The following FAM227A variants were observed in gnomAD, a reference collection of about 807,000 sequenced individuals.
The protein encoded by FAM227A is protein FAM227A.
Under a neutral mutation model 74.7 loss-of-function variants are expected in FAM227A, and 80 were observed. The observed-to-expected ratio is 1.07, with a 90% CI of 0.89 to 1.29. The LOEUF (loss-of-function observed/expected upper bound fraction) is 1.29. Ranked by LOEUF, FAM227A falls within the 50% of genes most tolerant of loss-of-function variation. FAM227A has a pLI of 0.00. For synonymous variants in FAM227A, 237 were observed against 241.8 expected, an observed-to-expected ratio of 0.98 and a Z score of 0.19; for missense variants, 654 against 683.4, an observed-to-expected ratio of 0.96 and a Z score of 0.48.
At chr22:38,593,535 A>G (rs2090983557) in intron 15 of FAM227A, among the ~76,000 whole-genome samples, 1 of 152,078 alleles carries the variant, frequency 6.6e-6, no homozygotes, top group Non-Finnish European at 1.5e-5. Flanking sequence ...CAAAAAAAGA[A>G]TAAATAAAGC....
intron 8 of FAM227A, among the ~76,000 whole-genome samples, chr22:38,627,790 G>A (rs566339123): frequency 7.2e-5 from 11 of 152,058 alleles, no homozygotes; most frequent in Admixed American, 3.3e-4. Flanking sequence ...CTTTAGTAGA[G>A]ACAGGGTTTT....
At chr22:38,645,526 C>A in intron 3 of FAM227A, 37 bp downstream of exon 3, 1 of 1,469,504 alleles carries the variant, frequency 6.8e-7, no homozygotes, top group South Asian at 1.2e-5. Context: ...CCTTCCCTGT[C>A]AGAAGCTTTG....
intron 16 of FAM227A, 70 bp from the exon 17 acceptor site, chr22:38,586,269 C>A: frequency 6.6e-7 from 1 of 1,505,192 alleles, no homozygotes; most frequent in Non-Finnish European, 9.0e-7. Context: ...AGACTTTGCA[C>A]GTGAGCAGTG....
rs1184947458 is a variant in FAM227A, at chr22:38,583,590, AC to A, written c.*2534del. 4 of 152,242 alleles carry A rather than the reference AC, an allele frequency of 2.6e-5. No homozygotes were observed. The highest frequency in any genetic ancestry group is 9.7e-5 in the African/African-American group (4 of 41,388). The allele number at this position is 152,242 out of a possible 1,614,324, so 9.4% of individuals were successfully genotyped here. On this transcript the variant is annotated 3_prime_UTR_variant, in exon 17 of 17. Coordinates refer to ENST00000535113, the MANE Select transcript of FAM227A (RefSeq NM_001013647.2). ...ATTATCTCATCTAATCCTCACAACA[AC>A]CCTCCTAGGCAGGCATTCCCTTTCT...
At position 38,626,296 on chromosome 22, in the gene FAM227A, G is replaced by A. The variant is rs1444633812; in HGVS notation, c.734C>T (p.Pro245Leu). 2 of 1,551,092 alleles carry A rather than the reference G, an allele frequency of 1.3e-6. No homozygotes were observed. Among genetic ancestry groups the A allele is most frequent in the African/African-American group, 1.4e-5 (1 of 73,032 alleles). The change falls in exon 9 of 17, where the codon CCA becomes CTA. Residue 245 changes from proline to leucine, a missense_variant. Pro to Leu is a moderately conservative substitution (Grantham distance 98). Transcript: ENST00000535113. ...GTACACGGCTTTGCTGAGAAGTGATGGCAGCCTCTGCGGAGCAAGCCGAGC... is the reference window on the plus strand; with the variant it reads ...GTACACGGCTTTGCTGAGAAGTGATAGCAGCCTCTGCGGAGCAAGCCGAGC... ...HSEEALLKRLPSLLSKAVYTS... is the reference protein window; with the variant it reads ...HSEEALLKRLLSLLSKAVYTS...
chr22:38,582,808 T>C lies in FAM227A; in HGVS notation c.*3317A>G. On this transcript the variant is annotated 3_prime_UTR_variant, in exon 17 of 17. Transcript: ENST00000535113. ...TCTACTATGGTAACTGCTGCCATAA[T>C]GGGATGGCACAGAATGCTGTTGGAG... 2 of 1,546,802 alleles carry C rather than the reference T, an allele frequency of 1.3e-6. No homozygotes were observed. Among genetic ancestry groups the C allele is most frequent in the South Asian group, 1.2e-5 (1 of 83,898 alleles).
chr22:38,627,413 C>G (rs2091831669), intron 8 of FAM227A, among the ~76,000 whole-genome samples: 1 of 151,324 alleles, frequency 6.6e-6, no homozygotes, highest in Non-Finnish European at 1.5e-5. Flanking sequence ...ACTAAAAACA[C>G]AAAAATTAGC....
At chr22:38,621,566 T>C (rs948475388) in intron 10 of FAM227A, among the ~76,000 whole-genome samples, 93 of 149,038 alleles carry the variant, frequency 6.2e-4, no homozygotes, top group African/African-American at 2.1e-3. Flanking sequence ...GATTGCGCCA[T>C]TGCACTCCAG....
Position 38,580,069 on chromosome 22 carries a change from T to G in FAM227A, c.*6056A>C, listed in dbSNP as rs2090693124. The G allele has an allele frequency of 6.6e-6, 1 of 150,758 alleles. No homozygotes were observed. The highest frequency in any genetic ancestry group is 6.6e-5 in the Admixed American group (1 of 15,148). The allele number at this position is 150,758 out of a possible 1,614,324, so 9.3% of individuals were successfully genotyped here. Reference sequence around the variant, plus strand: ...CCAAGTAGCTAGGACTACAGGCGTATGCCACCTTGCTCTGCTAATTTTTAC... The same window carrying G: ...CCAAGTAGCTAGGACTACAGGCGTAGGCCACCTTGCTCTGCTAATTTTTAC... On this transcript the variant is annotated 3_prime_UTR_variant, in exon 17 of 17. Coordinates refer to ENST00000535113, the MANE Select transcript of FAM227A (RefSeq NM_001013647.2).
chr22:38,582,436 C>T lies in FAM227A; in HGVS notation c.*3689G>A. The T allele has an allele frequency of 6.5e-7, 1 of 1,547,772 alleles. No individual in the cohort carries two copies. Among genetic ancestry groups the T allele is most frequent in the Non-Finnish European group, 8.7e-7 (1 of 1,144,824 alleles). On this transcript the variant is annotated 3_prime_UTR_variant, in exon 17 of 17. Coordinates refer to ENST00000535113, the MANE Select transcript of FAM227A (RefSeq NM_001013647.2). ...ACAGAATTAGAATATCATACAATTA[C>T]TCATTTGCTTTATCCCACATTACAG...
chr22:38,621,822 A>G (rs370450686), intron 10 of FAM227A, among the ~76,000 whole-genome samples: 23 of 152,200 alleles, frequency 1.5e-4, no homozygotes, highest in African/African-American at 5.5e-4. Context: ...AGGTCCTTGG[A>G]CCAACACACC....
At chr22:38,644,164 A>G (rs2092178173) in intron 3 of FAM227A, among the ~76,000 whole-genome samples, 1 of 151,746 alleles carries the variant, frequency 6.6e-6, no homozygotes, top group African/African-American at 2.4e-5. Flanking sequence ...AAAAAAAAAA[A>G]AAAAGATGTG....
intron 11 of FAM227A, among the ~76,000 whole-genome samples, chr22:38,619,857 G>C (rs953207110): frequency 3.3e-5 from 5 of 152,292 alleles, no homozygotes; most frequent in Admixed American, 6.5e-5. Flanking sequence ...TAGGGCAGAG[G>C]AGAAAGTACG....
rs1237784117 is a variant in FAM227A at position 38,584,130 on chromosome 22, C to T, written c.*1995G>A. On this transcript the variant is annotated 3_prime_UTR_variant, in exon 17 of 17. Coordinates refer to ENST00000535113, the MANE Select transcript of FAM227A (RefSeq NM_001013647.2). ...GCCTTGGTTTTTCTCAGATTCCACG[C>T]AGCTTTCTATCGGAGCATTAATGCA... 6.6e-6 allele frequency: 1 copy of T among 152,262 alleles called. No individual in the cohort carries two copies. The highest frequency in any genetic ancestry group is 2.4e-5 in the African/African-American group (1 of 41,452). 9.4% of individuals were successfully genotyped at this position (152,262 alleles called of 1,614,324 possible). A position where few individuals can be genotyped will look rare whatever the true frequency, so the allele number is the denominator to read the frequency against.
rs564277754 is a variant in FAM227A at position 38,627,546 on chromosome 22, C to A, written c.726+692G>T. ...TCATACTACTGCACTCCAGCCTGGG[C>A]GACAGAGTGAGACTCTGTCTCAAAA... On this transcript the variant is annotated intron_variant, in intron 8 of 16. Transcript: ENST00000535113. Among the ~76,000 whole-genome samples the A allele has an allele frequency of 6.6e-5, 10 of 151,366 alleles. No homozygotes were observed. In the East Asian group the frequency reaches 1.8e-3, roughly 27 times the overall value.
At chr22:38,633,698 C>T (rs374249624) in intron 6 of FAM227A, among the ~76,000 whole-genome samples, 49 of 152,082 alleles carry the variant, frequency 3.2e-4, no homozygotes, top group African/African-American at 1.0e-3. Context: ...TGTGTCACCA[C>T]GCCTGGCTAA....
At chr22:38,605,387 TC>T in intron 12 of FAM227A, 39 bp from the exon 13 acceptor site, 1 of 1,241,038 alleles carries the variant, frequency 8.1e-7, no homozygotes, top group South Asian at 1.3e-5. Context: ...ACCATTAGGT[TC>T]AAGCAATTCT....
chr22:38,628,954 CAGT>C lies in FAM227A; in HGVS notation c.520-22_520-20del, dbSNP rs533989603. 2,472 of 1,368,968 alleles carry C rather than the reference CAGT, an allele frequency of 1.8e-3. 52 individuals are homozygous for C. The East Asian group carries it at 0.035, about 19-fold the overall frequency. The allele number at this position is 1,368,968 out of a possible 1,614,324, so 84.8% of individuals were successfully genotyped here. On this transcript the variant is annotated intron_variant, in intron 6 of 16. Transcript: ENST00000535113. The stretch of plus-strand genomic sequence containing the variant: ...AGAAATGCTTGGAAAAAAAAATTCA[CAGT>C]ATTATTATTGTTGTTATCTTTTTAA...
chr22:38,645,729 C>T, intron 2 of FAM227A, 84 bp from the exon 3 acceptor site: 2 of 745,326 alleles, frequency 2.7e-6, no homozygotes, highest in Non-Finnish European at 4.5e-6. Context: ...AAGGGCAGCC[C>T]CTGTCTGCAC....
Sources: gnomAD v4.1 joint callset for allele counts (sites outside exome capture counted in the v4.1 genomes callset) on GRCh38, gnomAD v4.1.1 for gene constraint, MANE v1.5 for transcripts, NCBI Gene and HGNC (gene_info 2026-07-23, HGNC 2026-07-21) for gene names.